SYNE1: variants seen among roughly 807,000 people sequenced by gnomAD.
SYNE1 encodes the protein nesprin-1.
In SYNE1, 616 loss-of-function variants were observed where a neutral mutation model predicts 1,111.0. That is an observed-to-expected ratio of 0.55 (90% CI 0.52 to 0.59). The LOEUF (loss-of-function observed/expected upper bound fraction) is 0.59, where lower values mean the gene tolerates loss of function less well. Ranked by LOEUF, SYNE1 falls within the 20% of genes least tolerant of loss-of-function variation. The pLI is 0.00. For missense variants in SYNE1, 10,006 were observed against 10,417.0 expected (o/e 0.96, Z 1.72); for synonymous variants, 3,855 against 3,825.8 (o/e 1.01, Z -0.28).
intron 33 of SYNE1, chr6:152,434,615 A>G (rs1024754207): frequency 6.6e-6 from 1 of 152,166 alleles, no homozygotes; most frequent in Admixed American, 6.5e-5. Flanking sequence ...TATAGGTTTT[A>G]TTTGTAACAA....
At chr6:152,202,985 A>G (rs1325331003) in intron 126 of SYNE1, among the ~76,000 whole-genome samples, 1 of 152,212 alleles carries the variant, frequency 6.6e-6, no homozygotes, top group Non-Finnish European at 1.5e-5. Flanking sequence ...GCAAAGTAGC[A>G]GTAAGTGCTC....
At chr6:152,602,983 A>G (rs1365078521) in intron 3 of SYNE1, among the ~76,000 whole-genome samples, 1 of 152,158 alleles carries the variant, frequency 6.6e-6, no homozygotes, top group Non-Finnish European at 1.5e-5. Flanking sequence ...AAATGAAGAA[A>G]AGAACAGGAG....
intron 91 of SYNE1, among the ~76,000 whole-genome samples, chr6:152,305,908 C>T (rs1399389744): frequency 1.3e-5 from 2 of 152,188 alleles, no homozygotes; most frequent in Non-Finnish European, 1.5e-5. Context: ...AAATAAACAG[C>T]TCACTGGACC....
intron 60 of SYNE1, 65 bp from the exon 61 acceptor site, chr6:152,369,192 G>T: frequency 1.3e-6 from 2 of 1,587,908 alleles, no homozygotes; most frequent in South Asian, 2.3e-5. Context: ...CGAAGCTTTG[G>T]CCCAGAGAAC....
chr6:152,554,691 A>G (rs1389669116), intron 3 of SYNE1, among the ~76,000 whole-genome samples: 2 of 152,130 alleles, frequency 1.3e-5, no homozygotes, highest in Non-Finnish European at 2.9e-5. Context: ...TTTGGCAGCC[A>G]CTATCTAGTT....
Position 152,211,574 on chromosome 6 carries a change from C to A in SYNE1, c.22509G>T (p.Glu7503Asp). Residue 7503 changes from glutamate to aspartate, a missense_variant, in exon 124 of 146, where the codon GAG becomes GAT. Transcript: ENST00000367255. ...QQRAHELFQA[E>D]MFSRQQILHS... ...GCAAAATCTGCTGACGACTGAACAT[C>A]TCGGCTTGAAACAACTATAATTTAA... 6.2e-7 allele frequency: 1 copy of A among 1,613,626 alleles called. No individual in the cohort carries two copies. The highest frequency in any genetic ancestry group is 1.7e-5 in the Admixed American group (1 of 60,010).
At chr6:152,524,975 T>G (rs1271195361) in intron 5 of SYNE1, among the ~76,000 whole-genome samples, 1 of 152,098 alleles carries the variant, frequency 6.6e-6, no homozygotes, top group Non-Finnish European at 1.5e-5. Context: ...ACTTGTGCCT[T>G]TAAGAAAAGC....
intron 3 of SYNE1, among the ~76,000 whole-genome samples, chr6:152,610,194 C>A (rs548179299): frequency 6.6e-6 from 1 of 152,270 alleles, no homozygotes; most frequent in South Asian, 2.1e-4. Context: ...TAACAAACTT[C>A]TCCAAGCTAA....
At chr6:152,421,268 C>A (rs139709040) in intron 39 of SYNE1, among the ~76,000 whole-genome samples, 2,314 of 152,298 alleles carry the variant, frequency 0.015, 31 homozygotes, top group Non-Finnish European at 0.02. Context: ...TCTGCAGGCA[C>A]AGATAAACCT....
At chr6:152,566,700 T>C (rs895850373) in intron 3 of SYNE1, among the ~76,000 whole-genome samples, 2 of 152,244 alleles carry the variant, frequency 1.3e-5, no homozygotes, top group Admixed American at 1.3e-4. Context: ...AAGGTGTCTT[T>C]ATAGGATTAC....
At chr6:152,636,527 T>C (rs572291935) in intron 2 of SYNE1, 111 bp downstream of exon 2, 35 of 153,188 alleles carry the variant, frequency 2.3e-4, no homozygotes, top group Middle Eastern at 2.5e-3. Flanking sequence ...AGCCCCAGCG[T>C]GCAGGCACAA....
intron 64 of SYNE1, among the ~76,000 whole-genome samples, chr6:152,360,622 C>A (rs926105259): frequency 6.6e-6 from 1 of 152,176 alleles, no homozygotes; most frequent in African/African-American, 2.4e-5. Flanking sequence ...TCCCCACTAA[C>A]ATACGCTTGA....
intron 73 of SYNE1, among the ~76,000 whole-genome samples, chr6:152,344,932 TAGGAAAA>T (rs891776338): frequency 1.5e-4 from 23 of 152,228 alleles, no homozygotes; most frequent in African/African-American, 5.5e-4. Flanking sequence ...TGTTTCCATT[TAGGAAAA>T]AGGAAAAAAG....
chr6:152,135,303 A>C lies in SYNE1; in HGVS notation c.25660-71T>G, dbSNP rs117389517. The stretch of plus-strand genomic sequence containing the variant: ...TCTCTCAAAACTTAAATGTCTTTCA[A>C]CTGCCACCATTAGCAAACATACTTG... On this transcript the variant is annotated intron_variant, in intron 141 of 145. Transcript: ENST00000367255. 0.015 allele frequency: 22,408 copies of C among 1,524,126 alleles called. 213 individuals are homozygous for C. Among genetic ancestry groups the C allele is most frequent in the Non-Finnish European group, 0.017 (19,449 of 1,119,516 alleles). 94.4% of individuals were successfully genotyped at this position (1,524,126 alleles called of 1,614,324 possible). A position where few individuals can be genotyped will look rare whatever the true frequency, so the allele number is the denominator to read the frequency against.
intron 91 of SYNE1, among the ~76,000 whole-genome samples, chr6:152,307,977 C>A (rs147866254): frequency 3.7e-4 from 57 of 152,128 alleles, no homozygotes; most frequent in African/African-American, 1.3e-3. Flanking sequence ...GGATTACAGG[C>A]GCATGCCACC....
At chr6:152,342,591 G>T (rs2096555230) in intron 74 of SYNE1, among the ~76,000 whole-genome samples, 1 of 152,156 alleles carries the variant, frequency 6.6e-6, no homozygotes, top group Admixed American at 6.5e-5. Flanking sequence ...TGTGGACTCA[G>T]TGATCAAATA....
chr6:152,548,982 T>C (rs746348655), intron 3 of SYNE1, among the ~76,000 whole-genome samples: 34 of 152,194 alleles, frequency 2.2e-4, no homozygotes, highest in Non-Finnish European at 1.2e-4. Context: ...AGAAAGCAGT[T>C]TATATTAGAA....
intron 11 of SYNE1, among the ~76,000 whole-genome samples, chr6:152,492,316 A>G (rs528679062): frequency 9.2e-4 from 140 of 152,328 alleles, no homozygotes; most frequent in African/African-American, 2.2e-3. Context: ...TTCAAGGTGT[A>G]CAATAATAGA....
intron 60 of SYNE1, 50 bp from the exon 61 acceptor site, chr6:152,369,177 G>A (rs373153267): frequency 3.7e-6 from 6 of 1,600,462 alleles, no homozygotes; most frequent in African/African-American, 2.7e-5. Flanking sequence ...AAAGCACATC[G>A]CGGACGAAGC....
Sources: allele counts gnomAD v4.1 joint callset (sites outside exome capture counted in the v4.1 genomes callset), GRCh38; gene constraint gnomAD v4.1.1; transcripts MANE v1.5; gene names NCBI Gene and HGNC (gene_info 2026-07-23, HGNC 2026-07-21).